The following ROBO2 variants were observed in gnomAD, a reference collection of about 807,000 sequenced individuals.
ROBO2 encodes the protein roundabout guidance receptor 2.
In ROBO2, 53 loss-of-function variants were observed where a neutral mutation model predicts 160.8. The observed-to-expected ratio is 0.33, with a 90% CI of 0.26 to 0.41. ROBO2 has a LOEUF of 0.41. Ranked by LOEUF, ROBO2 falls within the 10% of genes least tolerant of loss-of-function variation. The probability of loss-of-function intolerance (pLI) is 1.00; values close to 1 mark genes in which losing one functional copy is unlikely to be tolerated. For synonymous variants in ROBO2, 664 were observed against 611.7 expected (o/e 1.09, Z -1.26); for missense variants, 1,577 against 1,722.4 (o/e 0.92, Z 1.49).
chr3:76,822,654 C>T (rs1178465881), intron 2 of ROBO2, among the ~76,000 whole-genome samples: 3 of 151,132 alleles, frequency 2.0e-5, no homozygotes, highest in Non-Finnish European at 4.4e-5. Context: ...ATTGATGAGA[C>T]TTTACAAATA....
At chr3:77,164,922 T>G in intron 2 of ROBO2, among the ~76,000 whole-genome samples, 1 of 107,214 alleles carries the variant, frequency 9.3e-6, no homozygotes, top group Non-Finnish European at 2.1e-5. Context: ...AGCCGCCCCG[T>G]CCGGGAGGGA....
intron 2 of ROBO2, among the ~76,000 whole-genome samples, chr3:77,406,771 C>T (rs1229715523): frequency 1.3e-5 from 2 of 152,076 alleles, no homozygotes; most frequent in Admixed American, 1.3e-4. Flanking sequence ...TTTCCCATTT[C>T]TCGGAGACAA....
At chr3:76,434,893 A>T in intron 2 of ROBO2, 1 of 1,595,172 alleles carries the variant, frequency 6.3e-7, no homozygotes, top group Non-Finnish European at 8.6e-7. Context: ...AGTGGCCCCA[A>T]GCCATTCTCT....
intron 2 of ROBO2, among the ~76,000 whole-genome samples, chr3:76,955,406 T>G (rs1216899343): frequency 1.3e-5 from 2 of 152,154 alleles, no homozygotes; most frequent in Non-Finnish European, 2.9e-5. Flanking sequence ...ATATAATAAT[T>G]CTATGTTGAT....
At chr3:76,207,227 T>C (rs1041429482) in intron 2 of ROBO2, among the ~76,000 whole-genome samples, 8 of 152,154 alleles carry the variant, frequency 5.3e-5, no homozygotes, top group African/African-American at 1.9e-4. Flanking sequence ...GTAAGTTTTA[T>C]TATTATGGAT....
intron 2 of ROBO2, among the ~76,000 whole-genome samples, chr3:76,263,427 C>T (rs1048103024): frequency 3.9e-5 from 6 of 152,004 alleles, no homozygotes; most frequent in East Asian, 1.9e-4. Flanking sequence ...CTTGCTGTGT[C>T]GCCTAGGCTG....
chr3:77,212,912 C>T (rs2084382777), intron 2 of ROBO2, among the ~76,000 whole-genome samples: 1 of 152,082 alleles, frequency 6.6e-6, no homozygotes. Flanking sequence ...GCCTTGCATC[C>T]CAGGGATGAA....
intron 1 of ROBO2, among the ~76,000 whole-genome samples, chr3:77,091,660 G>A (rs1331279920): frequency 6.6e-6 from 1 of 152,048 alleles, no homozygotes; most frequent in Non-Finnish European, 1.5e-5. Context: ...GGTAATTTCT[G>A]ATGCACCTTG....
At chr3:76,977,520 G>T (rs892904546) in intron 2 of ROBO2, among the ~76,000 whole-genome samples, 1 of 152,102 alleles carries the variant, frequency 6.6e-6, no homozygotes, top group Non-Finnish European at 1.5e-5. Flanking sequence ...CTTTGTAATG[G>T]ATTATAAGGT....
At chr3:76,002,544 T>C (rs919325461) in intron 2 of ROBO2, among the ~76,000 whole-genome samples, 1 of 151,992 alleles carries the variant, frequency 6.6e-6, no homozygotes, top group Admixed American at 6.6e-5. Context: ...TGATAAGGGG[T>C]CTCCCTTTTG....
intron 2 of ROBO2, among the ~76,000 whole-genome samples, chr3:75,982,857 G>A (rs1259890741): frequency 6.6e-6 from 1 of 151,426 alleles, no homozygotes; most frequent in Non-Finnish European, 1.5e-5. Flanking sequence ...AGGAAAGAAA[G>A]CAGGTCTTGT....
intron 2 of ROBO2, among the ~76,000 whole-genome samples, chr3:75,979,632 G>T (rs1314577118): frequency 6.6e-6 from 1 of 151,476 alleles, no homozygotes; most frequent in African/African-American, 2.4e-5. Flanking sequence ...TGTCTACTGG[G>T]TGTCCAAAAT....
At chr3:76,512,346 T>C (rs2081141028) in intron 2 of ROBO2, among the ~76,000 whole-genome samples, 1 of 149,734 alleles carries the variant, frequency 6.7e-6, no homozygotes, top group African/African-American at 2.4e-5. Context: ...ATAGTGTACT[T>C]TAACTCTTTA....
At chr3:76,703,467 C>T (rs2093089719) in intron 2 of ROBO2, among the ~76,000 whole-genome samples, 1 of 152,052 alleles carries the variant, frequency 6.6e-6, no homozygotes, top group African/African-American at 2.4e-5. Flanking sequence ...CTGCACCCAT[C>T]AACCAGTCAC....
At chr3:76,516,766 G>T (rs183604051) in intron 2 of ROBO2, among the ~76,000 whole-genome samples, 18 of 151,960 alleles carry the variant, frequency 1.2e-4, no homozygotes, top group Non-Finnish European at 2.5e-4. Flanking sequence ...CAAGCATTCC[G>T]ACCTAAAAAC....
At chr3:76,141,153 CTCTCTCTATATATATATATA>C (rs1485112061) in intron 2 of ROBO2, among the ~76,000 whole-genome samples, 12 of 34,670 alleles carry the variant, frequency 3.5e-4, no homozygotes, top group African/African-American at 9.0e-4. Flanking sequence ...CTCTCTCTCT[CTCTCTCTATATATATATATA>C]TATATATATA....
intron 2 of ROBO2, among the ~76,000 whole-genome samples, chr3:77,232,771 T>C (rs566483912): frequency 1.3e-5 from 2 of 152,296 alleles, no homozygotes; most frequent in East Asian, 3.9e-4. Flanking sequence ...TGTATGTCTA[T>C]GTCTTTCAGT....
rs536621450 is a variant in ROBO2, at chr3:77,324,792, A to G, written c.389-152622A>G. ...GAGAGACTCCGTCTCAAAAAGAAAAAAAAAAAAAAAAAGCTACCATACTTT... is the reference window on the plus strand; with the variant it reads ...GAGAGACTCCGTCTCAAAAAGAAAAGAAAAAAAAAAAAGCTACCATACTTT... On this transcript the variant is annotated intron_variant, in intron 2 of 25. Transcript: ENST00000461745. Among the ~76,000 whole-genome samples the G allele has an allele frequency of 1.8e-4, 28 of 151,788 alleles. No individual in the cohort carries two copies. In the East Asian group the frequency reaches 5.2e-3, roughly 28 times the overall value.
intron 2 of ROBO2, among the ~76,000 whole-genome samples, chr3:76,574,801 G>C (rs1431935278): frequency 6.6e-6 from 1 of 152,072 alleles, no homozygotes; most frequent in Non-Finnish European, 1.5e-5. Context: ...AATATCTCTA[G>C]ACTGAGCCTA....
Sources: gnomAD v4.1 joint callset for allele counts (sites outside exome capture counted in the v4.1 genomes callset) on GRCh38, gnomAD v4.1.1 for gene constraint, MANE v1.5 for transcripts, NCBI Gene and HGNC (gene_info 2026-07-23, HGNC 2026-07-21) for gene names.